LYG2: variants seen among roughly 807,000 people sequenced by gnomAD.
LYG2 encodes the protein lysozyme g-like protein 2.
In LYG2, 25 loss-of-function variants were observed where a neutral mutation model predicts 22.4. That is an observed-to-expected ratio of 1.12 (90% confidence interval 0.81 to 1.56). The LOEUF is 1.56. Ranked by LOEUF, LYG2 falls within the 40% of genes most tolerant of loss-of-function variation. LYG2 has a pLI of 0.00. For synonymous variants in LYG2, 88 were observed against 97.0 expected (o/e 0.91, Z 0.55); for missense variants, 266 against 269.5 (o/e 0.99, Z 0.09).
chr2:99,246,631 GA>G, intron 4 of LYG2, 48 bp downstream of exon 4: 2 of 1,586,766 alleles, frequency 1.3e-6, no homozygotes, highest in Non-Finnish European at 1.7e-6. Flanking sequence ...GAAAGAATCT[GA>G]AAACGATGAA....
At chr2:99,244,198 C>G in intron 5 of LYG2, 61 bp from the exon 6 acceptor site, 1 of 1,538,614 alleles carries the variant, frequency 6.5e-7, no homozygotes, top group Non-Finnish European at 8.8e-7. Context: ...TTCTGCCATT[C>G]CTAATTTCCT....
At chr2:99,255,315 T>C (rs1261029269) in intron 1 of LYG2, 178 bp from the exon 2 acceptor site, 2 of 152,148 alleles carry the variant, frequency 1.3e-5, no homozygotes, top group Admixed American at 1.3e-4. Context: ...TTATATATGG[T>C]TTAAAACCCT....
chr2:99,244,610 A>T (rs2094012514), intron 5 of LYG2, among the ~76,000 whole-genome samples: 1 of 152,218 alleles, frequency 6.6e-6, no homozygotes, highest in Non-Finnish European at 1.5e-5. Flanking sequence ...TTTGATCCAC[A>T]TGGATGAAAT....
At chr2:99,250,540 A>G (rs1194257281) in intron 3 of LYG2, among the ~76,000 whole-genome samples, 2 of 152,014 alleles carry the variant, frequency 1.3e-5, no homozygotes, top group Non-Finnish European at 2.9e-5. Context: ...ACACCCGGCT[A>G]ATTTTTTGTA....
At chr2:99,255,857 C>T (rs1267879198), upstream of LYG2, among the ~76,000 whole-genome samples, 1 of 152,092 alleles carries the variant, frequency 6.6e-6, no homozygotes, top group Non-Finnish European at 1.5e-5. Context: ...AAGATTATAG[C>T]CAGGGATGAA....
chr2:99,260,756 A>G, the LYG2 span, among the ~76,000 whole-genome samples: 1 of 152,234 alleles, frequency 6.6e-6, no homozygotes, highest in South Asian at 2.1e-4. Context: ...TAAGCATAGA[A>G]ATTGGCCTGA....
At chr2:99,261,069 T>A in the LYG2 span, among the ~76,000 whole-genome samples, 1 of 152,012 alleles carries the variant, frequency 6.6e-6, no homozygotes. Flanking sequence ...AAATGTTCAT[T>A]TGGAGGTATT....
At chr2:99,243,462 C>T (rs1205946541) in intron 6 of LYG2, 2 of 1,547,774 alleles carry the variant, frequency 1.3e-6, no homozygotes, top group Admixed American at 2.0e-5. Flanking sequence ...TTTCTTATAA[C>T]AGGAAAAAAC....
rs1001184117 is a variant in LYG2, at chr2:99,247,437, GT to G, written c.44-618del. Among the ~76,000 whole-genome samples the G allele has an allele frequency of 8.2e-3, 1,163 of 141,730 alleles. 8 individuals are homozygous for G. The highest frequency in any genetic ancestry group is 0.018 in the African/African-American group (707 of 38,708). 93.0% of individuals were successfully genotyped at this position (141,730 alleles called of 152,430 possible). A position where few individuals can be genotyped will look rare whatever the true frequency, so the allele number is the denominator to read the frequency against. On this transcript the variant is annotated intron_variant, in intron 3 of 6. Coordinates refer to ENST00000333017, the MANE Select transcript of LYG2 (RefSeq NM_175735.4). ...AGGTTTTTAAGCAGGAAACTTGAGA[GT>G]TTTTTTTTTTTTTTTAAGATTCAGG... is the stretch of plus-strand genomic sequence containing the variant.
intron 3 of LYG2, among the ~76,000 whole-genome samples, chr2:99,248,079 A>G (rs1235180565): frequency 1.3e-5 from 2 of 152,154 alleles, no homozygotes; most frequent in African/African-American, 2.4e-5. Flanking sequence ...AAGTCAGGCA[A>G]CAACAGGTGC....
At chr2:99,243,468 A>T in intron 6 of LYG2, 1 of 1,548,860 alleles carries the variant, frequency 6.5e-7, no homozygotes, top group Non-Finnish European at 8.7e-7. Context: ...ATAACAGGAA[A>T]AAACCTATGA....
At chr2:99,243,444 G>A in intron 6 of LYG2, 1 of 1,549,962 alleles carries the variant, frequency 6.5e-7, no homozygotes, top group South Asian at 1.2e-5. Flanking sequence ...TTGGAAAGTT[G>A]TTGACAGTTT....
At chr2:99,258,067 G>A (rs990902629), upstream of LYG2, among the ~76,000 whole-genome samples, 11 of 152,218 alleles carry the variant, frequency 7.2e-5, no homozygotes, top group South Asian at 4.1e-4. Flanking sequence ...CGCCCTCTGC[G>A]TCCCCACCTG....
chr2:99,261,403 T>TA, the LYG2 span, among the ~76,000 whole-genome samples: 1 of 152,292 alleles, frequency 6.6e-6, no homozygotes, highest in South Asian at 2.1e-4. Flanking sequence ...AACAGTAGCA[T>TA]ACAAGCTTCA....
At chr2:99,253,148 C>T (rs945211059) in intron 3 of LYG2, among the ~76,000 whole-genome samples, 6 of 151,952 alleles carry the variant, frequency 3.9e-5, no homozygotes, top group Non-Finnish European at 5.9e-5. Flanking sequence ...TGCCTTTTAC[C>T]CAGCATTCCC....
intron 3 of LYG2, among the ~76,000 whole-genome samples, chr2:99,249,943 T>C (rs903042568): frequency 6.6e-6 from 1 of 152,094 alleles, no homozygotes; most frequent in African/African-American, 2.4e-5. Context: ...GGAATATGCA[T>C]GGGCTGCTAT....
intron 6 of LYG2, chr2:99,243,511 T>C (rs1287869364): frequency 6.7e-7 from 1 of 1,499,816 alleles, no homozygotes; most frequent in Non-Finnish European, 9.0e-7. Flanking sequence ...GATAGATAGA[T>C]AGATAGATAG....
At chr2:99,261,230 G>A in the LYG2 span, among the ~76,000 whole-genome samples, 13 of 152,304 alleles carry the variant, frequency 8.5e-5, no homozygotes, top group East Asian at 2.5e-3. Flanking sequence ...AATGGCTTAA[G>A]TAATGGCAAG....
intron 3 of LYG2, among the ~76,000 whole-genome samples, chr2:99,247,889 AAAAC>A (rs2094019081): frequency 1.3e-5 from 2 of 152,080 alleles, no homozygotes; most frequent in African/African-American, 4.8e-5. Context: ...TTACAAGAAA[AAAAC>A]AAACAACCCC....
Sources: gnomAD v4.1 joint callset for allele counts (sites outside exome capture counted in the v4.1 genomes callset) on GRCh38, gnomAD v4.1.1 for gene constraint, MANE v1.5 for transcripts, NCBI Gene and HGNC (gene_info 2026-07-23, HGNC 2026-07-21) for gene names.